Variants in AFG1L observed in about 807,000 individuals in gnomAD.
AFG1L encodes AFG1-like ATPase.
A neutral mutation model predicts 62.2 loss-of-function variants in AFG1L; 53 were observed. The observed-to-expected ratio is 0.85, with a 90% CI of 0.68 to 1.07. The LOEUF is 1.07. Among genes scored for constraint, AFG1L ranks in the 50% least tolerant of loss-of-function variants. AFG1L has a pLI of 0.00. For synonymous variants in AFG1L, 228 were observed against 210.3 expected (o/e 1.08, Z -0.73); for missense variants, 555 against 590.5 (o/e 0.94, Z 0.62).
At chr6:108,373,883 TTC>T (rs1319582544) in intron 6 of AFG1L, among the ~76,000 whole-genome samples, 3 of 152,126 alleles carry the variant, frequency 2.0e-5, no homozygotes, top group Non-Finnish European at 4.4e-5. Context: ...TGGCCGGTAG[TTC>T]TGTTTTAAGT....
chr6:108,401,099 T>G (rs897085638), intron 6 of AFG1L, among the ~76,000 whole-genome samples: 2 of 150,716 alleles, frequency 1.3e-5, no homozygotes, highest in African/African-American at 4.9e-5. Context: ...CTCTGAGTAG[T>G]TGGGCTTACA....
At chr6:108,369,039 A>G (rs1779876465) in intron 6 of AFG1L, among the ~76,000 whole-genome samples, 1 of 152,212 alleles carries the variant, frequency 6.6e-6, no homozygotes, top group East Asian at 1.9e-4. Context: ...CAGGTTTTTT[A>G]GCCACAGCAG....
intron 1 of AFG1L, among the ~76,000 whole-genome samples, chr6:108,310,883 A>G (rs900062408): frequency 3.9e-5 from 6 of 152,066 alleles, no homozygotes; most frequent in African/African-American, 1.4e-4. Flanking sequence ...CTGGAAGTTA[A>G]TATTATTTTT....
chr6:108,306,966 T>G (rs1016649996), intron 1 of AFG1L, among the ~76,000 whole-genome samples: 2 of 152,204 alleles, frequency 1.3e-5, no homozygotes, highest in Non-Finnish European at 2.9e-5. Context: ...TGTTTGTATT[T>G]GATTTATTAT....
chr6:108,446,050 A>T (rs867386281), intron 7 of AFG1L, among the ~76,000 whole-genome samples: 15 of 87,096 alleles, frequency 1.7e-4, no homozygotes, highest in Middle Eastern at 4.7e-3. Context: ...CTATGTAGAG[A>T]TACACACACA....
intron 6 of AFG1L, among the ~76,000 whole-genome samples, chr6:108,391,186 C>G (rs1227288174): frequency 6.6e-6 from 1 of 152,194 alleles, no homozygotes; most frequent in African/African-American, 2.4e-5. Context: ...AATGGAATTT[C>G]TACTGTTAAT....
At chr6:108,299,233 C>T (rs1776887972) in intron 1 of AFG1L, among the ~76,000 whole-genome samples, 1 of 151,052 alleles carries the variant, frequency 6.6e-6, no homozygotes, top group Admixed American at 6.6e-5. Flanking sequence ...TGCGCTCCAG[C>T]CTGGGGGACA....
intron 8 of AFG1L, among the ~76,000 whole-genome samples, chr6:108,448,727 C>T (rs1771921248): frequency 2.6e-5 from 4 of 152,046 alleles, no homozygotes. Context: ...AGCATTCTAA[C>T]CCAGTGAAGT....
intron 11 of AFG1L, among the ~76,000 whole-genome samples, chr6:108,511,067 GAC>G (rs757206478): frequency 1.2e-3 from 178 of 147,082 alleles, no homozygotes; most frequent in Non-Finnish European, 1.9e-3. Context: ...CAGCCTGGGT[GAC>G]AGAGTGAGGC....
chr6:108,356,934 T>C (rs1779314852), intron 5 of AFG1L, 114 bp downstream of exon 5: 1 of 903,108 alleles, frequency 1.1e-6, no homozygotes, highest in East Asian at 2.6e-5. Context: ...ACATTATCTC[T>C]TACTGCTTCA....
intron 7 of AFG1L, among the ~76,000 whole-genome samples, chr6:108,416,174 CT>C (rs1770261688): frequency 6.6e-6 from 1 of 152,178 alleles, no homozygotes. Flanking sequence ...TGAAAAAATG[CT>C]CATCATCATT....
chr6:108,346,525 C>T (rs1363024803), intron 2 of AFG1L, among the ~76,000 whole-genome samples: 2 of 152,112 alleles, frequency 1.3e-5, no homozygotes, highest in Non-Finnish European at 2.9e-5. Flanking sequence ...GCCACCATGC[C>T]TGGCTAATTC....
chr6:108,458,589 T>C (rs1772337355), intron 8 of AFG1L, among the ~76,000 whole-genome samples: 1 of 152,282 alleles, frequency 6.6e-6, no homozygotes, highest in Non-Finnish European at 1.5e-5. Context: ...GTTGGGACTA[T>C]AGACACACAC....
chr6:108,465,230 G>T (rs1358485345), intron 8 of AFG1L, among the ~76,000 whole-genome samples: 1 of 152,058 alleles, frequency 6.6e-6, no homozygotes, highest in Admixed American at 6.6e-5. Context: ...TCTAAATTTA[G>T]CTCCTTATTT....
intron 11 of AFG1L, 147 bp from the exon 12 acceptor site, chr6:108,519,550 A>G (rs1253783610): frequency 1.8e-6 from 1 of 559,926 alleles, no homozygotes; most frequent in Non-Finnish European, 3.2e-6. Flanking sequence ...AAAGAGATAA[A>G]CAATTAGGGA....
intron 8 of AFG1L, among the ~76,000 whole-genome samples, chr6:108,456,692 A>G (rs1772265975): frequency 6.6e-6 from 1 of 152,098 alleles, no homozygotes; most frequent in Admixed American, 6.6e-5. Flanking sequence ...GAATTTGCCT[A>G]TTTTATACAT....
In AFG1L at chr6:108,356,791, G is replaced by T; in HGVS notation, c.619G>T (p.Ala207Ser). 1 of 1,613,380 alleles carries T rather than the reference G, an allele frequency of 6.2e-7. No individual in the cohort carries two copies. The highest frequency in any genetic ancestry group is 1.1e-5 in the South Asian group (1 of 90,886). ...APIAEEISEEACLLCFDEFQV... is the reference protein window; with the variant it reads ...APIAEEISEESCLLCFDEFQV... ...CATAGCCGAAGAAATCAGCGAAGAA[G>T]CATGTCTCCTATGTTTTGATGAATT... The change falls in exon 5 of 13, where the codon GCA (alanine) becomes TCA (serine). Residue 207 changes from alanine to serine, a missense_variant. Transcript: ENST00000368977.
At chr6:108,342,225 G>A (rs576241839) in intron 2 of AFG1L, among the ~76,000 whole-genome samples, 2 of 152,266 alleles carry the variant, frequency 1.3e-5, no homozygotes, top group South Asian at 4.1e-4. Context: ...CCTCCCACAG[G>A]CTGAACCAGC....
chr6:108,369,953 T>C (rs1161369562), intron 6 of AFG1L, among the ~76,000 whole-genome samples: 3 of 150,142 alleles, frequency 2.0e-5, no homozygotes, highest in African/African-American at 7.5e-5. Context: ...GCTGGCTATC[T>C]ATCTATCTAT....
Sources: gnomAD v4.1 joint callset for allele counts (sites outside exome capture counted in the v4.1 genomes callset) on GRCh38, gnomAD v4.1.1 for gene constraint, MANE v1.5 for transcripts, NCBI Gene and HGNC (gene_info 2026-07-23, HGNC 2026-07-21) for gene names.